OR7D4: variants seen among roughly 807,000 people sequenced by gnomAD.
OR7D4 encodes the protein olfactory receptor family 7 subfamily D member 4, also known as olfactory receptor 7D4.
For missense variants in OR7D4, 319 were observed against 377.1 expected (o/e 0.85, Z 1.27); for synonymous variants, 154 against 158.4 (o/e 0.97, Z 0.21).
chr19:9,215,040 A>T (rs1036088438), intron 1 of OR7D4, among the ~76,000 whole-genome samples, 190 bp from the exon 2 acceptor site: 1 of 152,038 alleles, frequency 6.6e-6, no homozygotes, highest in Non-Finnish European at 1.5e-5. Context: ...GCCATTCTTT[A>T]ATTTTTAGAA....
At position 9,214,739 on chromosome 19, in the gene OR7D4, G is replaced by A. The variant is rs1599222633; in HGVS notation, c.99C>T (p.Ser33=). The A allele has an allele frequency of 1.2e-6, 2 of 1,613,910 alleles. No homozygotes were observed. The highest frequency in any genetic ancestry group is 1.3e-5 in the African/African-American group (1 of 74,898). ...TCCCCAGCACCGTGACCAGGTACATGGACAGGAACAGCCCAAAGAGGACGG... is the reference window on the plus strand; with the variant it reads ...TCCCCAGCACCGTGACCAGGTACATAGACAGGAACAGCCCAAAGAGGACGG... ...LQPVLFGLFL[S]MYLVTVLGNL... Residue 33 remains serine (S), a synonymous_variant, in exon 2 of 2, where the codon TCC becomes TCT. Transcript: ENST00000641669.
intron 1 of OR7D4, among the ~76,000 whole-genome samples, chr19:9,218,345 TG>T (rs1376090225): frequency 6.6e-6 from 1 of 152,216 alleles, no homozygotes; most frequent in Non-Finnish European, 1.5e-5. Context: ...GCAGGTTTAA[TG>T]TAAGAATGTC....
In OR7D4 at chr19:9,213,846, C is replaced by T. The variant is rs2051188184; in HGVS notation, c.*53G>A. The T allele has an allele frequency of 7.9e-7, 1 of 1,272,142 alleles. No individual in the cohort carries two copies. Among genetic ancestry groups the T allele is most frequent in the East Asian group, 2.3e-5 (1 of 43,070 alleles). The allele number at this position is 1,272,142 out of a possible 1,614,324, so 78.8% of individuals were successfully genotyped here. A position where few individuals can be genotyped will look rare whatever the true frequency, so the allele number is the denominator to read the frequency against. On this transcript the variant is annotated 3_prime_UTR_variant, in exon 2 of 2. Transcript: ENST00000641669. The stretch of plus-strand genomic sequence containing the variant: ...AAGAGCCGGATATTTAAACCCACAA[C>T]ATTTGCCTTAGGGGTACGCAGTGTG...
intron 1 of OR7D4, among the ~76,000 whole-genome samples, chr19:9,215,537 T>C (rs1217474341): frequency 1.3e-5 from 2 of 152,088 alleles, no homozygotes; most frequent in Admixed American, 1.3e-4. Context: ...GTTATTAAGT[T>C]GTGGATTTTC....
In OR7D4 at chr19:9,214,021, T is replaced by A. The variant is rs759932112; in HGVS notation, c.817A>T (p.Thr273Ser). The A allele has an allele frequency of 3.1e-6, 5 of 1,613,908 alleles. No homozygotes were observed. The highest frequency in any genetic ancestry group is 4.2e-6 in the Non-Finnish European group (5 of 1,179,982). Residue 273 changes from threonine (T) to serine (S), a missense_variant, in exon 2 of 2, where the codon ACC becomes TCC. Thr to Ser is a moderately conservative substitution (Grantham distance 58). Coordinates refer to ENST00000641669, the MANE Select transcript of OR7D4 (RefSeq NM_001005191.3). ...AVTHSSQSSS[T>S]ASVMYAMVTP... ...ACCATGGCGTACATCACTGAGGCGG[T>A]GGAGCTGCTCTGGGAAGAATGGGTC...
At position 9,210,666 on chromosome 19, in the gene OR7D4, A is replaced by G. The variant is rs2051167293; in HGVS notation, c.*3233T>C. On this transcript the variant is annotated 3_prime_UTR_variant, in exon 2 of 2. Transcript: ENST00000641669. ...AGGCCAAAAGAAAGTACATTTCATTAAAGAATTTACTAGGTGATCTCACAC... is the reference window on the plus strand; with the variant it reads ...AGGCCAAAAGAAAGTACATTTCATTGAAGAATTTACTAGGTGATCTCACAC... The G allele has an allele frequency of 6.9e-6, 1 of 145,768 alleles. No individual in the cohort carries two copies. Among genetic ancestry groups the G allele is most frequent in the Admixed American group, 6.8e-5 (1 of 14,810 alleles). The allele number at this position is 145,768 out of a possible 1,614,324, so 9.0% of individuals were successfully genotyped here.
intron 1 of OR7D4, among the ~76,000 whole-genome samples, chr19:9,217,693 T>C (rs1465410249): frequency 6.6e-6 from 1 of 152,076 alleles, no homozygotes; most frequent in African/African-American, 2.4e-5. Flanking sequence ...TGTGTGCCAC[T>C]ACGCTCAGCT....
chr19:9,216,632 ACCAGG>A (rs751862101), intron 1 of OR7D4, among the ~76,000 whole-genome samples: 8 of 151,846 alleles, frequency 5.3e-5, no homozygotes, highest in Non-Finnish European at 1.0e-4. Context: ...CACTCTGTTG[ACCAGG>A]CTGGAGTGCA....
In OR7D4 at chr19:9,213,130, A is replaced by G. The variant is rs1363425882; in HGVS notation, c.*769T>C. The G allele has an allele frequency of 1.3e-5, 2 of 152,278 alleles. No individual in the cohort carries two copies. Among genetic ancestry groups the G allele is most frequent in the Admixed American group, 6.5e-5 (1 of 15,284 alleles). The allele number at this position is 152,278 out of a possible 1,614,324, so 9.4% of individuals were successfully genotyped here. A position where few individuals can be genotyped will look rare whatever the true frequency, so the allele number is the denominator to read the frequency against. On this transcript the variant is annotated 3_prime_UTR_variant, in exon 2 of 2. Coordinates refer to ENST00000641669, the MANE Select transcript of OR7D4 (RefSeq NM_001005191.3). The stretch of plus-strand genomic sequence containing the variant: ...ACTGTCCTGATATTGTAAACATTTT[A>G]TACGACTAATCTATGGTTTTCATTT...
At position 9,213,918 on chromosome 19, in the gene OR7D4, C is replaced by G. The variant is rs200268075; in HGVS notation, c.920G>C (p.Arg307Thr). 7 of 1,614,000 alleles carry G rather than the reference C, an allele frequency of 4.3e-6. No homozygotes were observed. Among genetic ancestry groups the G allele is most frequent in the African/African-American group, 1.3e-5 (1 of 75,044 alleles). ...GATTTGTCATGGACAAGAGTCGGCCCTGCTGAGGAGTCTTTCCAGGGCCCC... is the reference window on the plus strand; with the variant it reads ...GATTTGTCATGGACAAGAGTCGGCCGTGCTGAGGAGTCTTTCCAGGGCCCC... ...VKGALERLLS[R>T]ADSCP The change falls in exon 2 of 2, where the codon AGG becomes ACG. Residue 307 changes from arginine (R) to threonine (T), a missense_variant. Arg to Thr is a moderately conservative substitution (Grantham distance 71). Transcript: ENST00000641669.
chr19:9,214,729 C>T lies in OR7D4; in HGVS notation c.109G>A (p.Val37Ile). Residue 37 changes from valine (V) to isoleucine (I), a missense_variant, in exon 2 of 2, where the codon GTC (valine) becomes ATC (isoleucine). Coordinates refer to ENST00000641669, the MANE Select transcript of OR7D4 (RefSeq NM_001005191.3). ...LFGLFLSMYLVTVLGNLLIIL... is the reference protein window; with the variant it reads ...LFGLFLSMYLITVLGNLLIIL... ...ATGAGCAGGTTCCCCAGCACCGTGA[C>T]CAGGTACATGGACAGGAACAGCCCA... 1 of 1,613,962 alleles carries T rather than the reference C, an allele frequency of 6.2e-7. No individual in the cohort carries two copies. The highest frequency in any genetic ancestry group is 8.5e-7 in the Non-Finnish European group (1 of 1,179,906).
At position 9,213,153 on chromosome 19, in the gene OR7D4, T is replaced by C. The variant is rs934735185; in HGVS notation, c.*746A>G. The C allele has an allele frequency of 6.6e-6, 1 of 152,216 alleles. No individual in the cohort carries two copies. The highest frequency in any genetic ancestry group is 2.4e-5 in the African/African-American group (1 of 41,438). 9.4% of individuals were successfully genotyped at this position (152,216 alleles called of 1,614,324 possible). ...TTATACGACTAATCTATGGTTTTCA[T>C]TTTATTTCCTATCCAGAGGACAAGA... is the stretch of plus-strand genomic sequence containing the variant. On this transcript the variant is annotated 3_prime_UTR_variant, in exon 2 of 2. Transcript: ENST00000641669.
In OR7D4 at chr19:9,210,855, G is replaced by A. The variant is rs1364365147; in HGVS notation, c.*3044C>T. On this transcript the variant is annotated 3_prime_UTR_variant, in exon 2 of 2. Coordinates refer to ENST00000641669, the MANE Select transcript of OR7D4 (RefSeq NM_001005191.3). ...GCAGCTTATTGTGATGTTGGGCTGAGAGCTTGTGGCGAAGGAGAACCAGGG... is the reference window on the plus strand; with the variant it reads ...GCAGCTTATTGTGATGTTGGGCTGAAAGCTTGTGGCGAAGGAGAACCAGGG... 1 of 152,272 alleles carries A rather than the reference G, an allele frequency of 6.6e-6. No homozygotes were observed. Among genetic ancestry groups the A allele is most frequent in the African/African-American group, 2.4e-5 (1 of 41,456 alleles). The allele number at this position is 152,272 out of a possible 1,614,324, so 9.4% of individuals were successfully genotyped here. A position where few individuals can be genotyped will look rare whatever the true frequency, so the allele number is the denominator to read the frequency against.
rs959165958 is a variant in OR7D4, at chr19:9,212,071, G to A, written c.*1828C>T. On this transcript the variant is annotated 3_prime_UTR_variant, in exon 2 of 2. Transcript: ENST00000641669. ...GTTTTAAAACATTTTTAATTTTTGTGCGTAGATAGTAGCTGTATATATTTA... is the reference window on the plus strand; with the variant it reads ...GTTTTAAAACATTTTTAATTTTTGTACGTAGATAGTAGCTGTATATATTTA... 1.6e-4 allele frequency: 25 copies of A among 151,878 alleles called. No individual in the cohort carries two copies. The highest frequency in any genetic ancestry group is 6.0e-4 in the African/African-American group (25 of 41,338). 9.4% of individuals were successfully genotyped at this position (151,878 alleles called of 1,614,324 possible). A position where few individuals can be genotyped will look rare whatever the true frequency, so the allele number is the denominator to read the frequency against.
chr19:9,211,179 G>A lies in OR7D4; in HGVS notation c.*2720C>T, dbSNP rs966615437. ...GTGAGCTGCCCCATGAGAGTCCCTT[G>A]TGGCAACAAACTGAGGGGCCTTAGG... is the stretch of plus-strand genomic sequence containing the variant. On this transcript the variant is annotated 3_prime_UTR_variant, in exon 2 of 2. Coordinates refer to ENST00000641669, the MANE Select transcript of OR7D4 (RefSeq NM_001005191.3). The A allele has an allele frequency of 6.6e-6, 1 of 152,318 alleles. No individual in the cohort carries two copies. The highest frequency in any genetic ancestry group is 2.4e-5 in the African/African-American group (1 of 41,448). 9.4% of individuals were successfully genotyped at this position (152,318 alleles called of 1,614,324 possible).
At position 9,213,856 on chromosome 19, in the gene OR7D4, A is replaced by C. The variant is rs1482711166; in HGVS notation, c.*43T>G. The C allele has an allele frequency of 1.5e-6, 2 of 1,354,578 alleles. No homozygotes were observed. Among genetic ancestry groups the C allele is most frequent in the Non-Finnish European group, 2.1e-6 (2 of 961,704 alleles). The allele number at this position is 1,354,578 out of a possible 1,614,324, so 83.9% of individuals were successfully genotyped here. A position where few individuals can be genotyped will look rare whatever the true frequency, so the allele number is the denominator to read the frequency against. ...TATTTAAACCCACAACATTTGCCTT[A>C]GGGGTACGCAGTGTGTCCTCTTAGT... On this transcript the variant is annotated 3_prime_UTR_variant, in exon 2 of 2. Transcript: ENST00000641669.
In OR7D4 at chr19:9,214,339, T is replaced by C. The variant is rs2051193778; in HGVS notation, c.499A>G (p.Thr167Ala). ...GGAATCTCAGTGCCTGTGGAGAAGG[T>C]CAACCTCTTCATCAGTAGAATATGA... ...LVHILLMKRL[T>A]FSTGTEIPHF... Residue 167 changes from threonine (T) to alanine (A), a missense_variant, in exon 2 of 2, where the codon ACC (threonine) becomes GCC (alanine). Physicochemically the swap from Thr to Ala is moderately conservative, Grantham distance 58 (BLOSUM62 0). Coordinates refer to ENST00000641669, the MANE Select transcript of OR7D4 (RefSeq NM_001005191.3). 6.2e-7 allele frequency: 1 copy of C among 1,613,876 alleles called. No homozygotes were observed. The highest frequency in any genetic ancestry group is 1.7e-5 in the Admixed American group (1 of 59,986).
rs2051175076 is a variant in OR7D4, at chr19:9,211,883, T to G, written c.*2016A>C. 6.7e-6 allele frequency: 1 copy of G among 148,464 alleles called. No individual in the cohort carries two copies. The highest frequency in any genetic ancestry group is 2.6e-5 in the African/African-American group (1 of 38,574). The allele number at this position is 148,464 out of a possible 1,614,324, so 9.2% of individuals were successfully genotyped here. A position where few individuals can be genotyped will look rare whatever the true frequency, so the allele number is the denominator to read the frequency against. On this transcript the variant is annotated 3_prime_UTR_variant, in exon 2 of 2. Transcript: ENST00000641669. ...TGGATTTGCAGATATGACTCCCATT[T>G]CATTTTAAAATTAAAAAAAAATCTG... is the stretch of plus-strand genomic sequence containing the variant.
At chr19:9,214,954 C>T (rs1198412760) in intron 1 of OR7D4, 104 bp from the exon 2 acceptor site, 5 of 626,642 alleles carry the variant, frequency 8.0e-6, no homozygotes, top group African/African-American at 7.4e-5. Context: ...TGTCACCCTT[C>T]CTGGAGTCCT....
Sources: allele counts gnomAD v4.1 joint callset (sites outside exome capture counted in the v4.1 genomes callset), GRCh38; gene constraint gnomAD v4.1.1; transcripts MANE v1.5; gene names NCBI Gene and HGNC (gene_info 2026-07-23, HGNC 2026-07-21).